PTPRE: variants seen among roughly 807,000 people sequenced by gnomAD.
The protein encoded by PTPRE is receptor-type tyrosine-protein phosphatase epsilon.
A neutral mutation model predicts 102.0 loss-of-function variants in PTPRE; 51 were observed. That is an observed-to-expected ratio of 0.50 (90% CI 0.40 to 0.63). The LOEUF is 0.63. Among genes scored for constraint, PTPRE ranks in the 30% least tolerant of loss-of-function variants. The pLI, the probability that PTPRE is intolerant of heterozygous loss-of-function variation, is 0.00. For missense variants in PTPRE, 752 were observed against 915.1 expected (o/e 0.82, Z 2.30); for synonymous variants, 345 against 348.2 (o/e 0.99, Z 0.10).
At chr10:128,006,948 A>G (rs1854615252) in intron 2 of PTPRE, among the ~76,000 whole-genome samples, 1 of 152,040 alleles carries the variant, frequency 6.6e-6, no homozygotes, top group Non-Finnish European at 1.5e-5. Flanking sequence ...CTCAAGTACA[A>G]CTCCACGGCT....
intron 2 of PTPRE, among the ~76,000 whole-genome samples, chr10:127,989,945 C>T (rs1275740901): frequency 2.6e-5 from 4 of 152,154 alleles, no homozygotes; most frequent in African/African-American, 4.8e-5. Context: ...GAGGGTTTAT[C>T]GGGTTTATCA....
chr10:127,950,394 T>C (rs971008336), intron 1 of PTPRE, among the ~76,000 whole-genome samples: 1 of 152,114 alleles, frequency 6.6e-6, no homozygotes, highest in Non-Finnish European at 1.5e-5. Flanking sequence ...CCTGATCTCC[T>C]TTGGTTTACT....
intron 2 of PTPRE, among the ~76,000 whole-genome samples, chr10:127,984,499 C>A (rs182768230): frequency 6.6e-6 from 1 of 152,290 alleles, no homozygotes; most frequent in Non-Finnish European, 1.5e-5. Context: ...GTATTTGAAG[C>A]CTGGGTCTCC....
rs181389247 is a variant in PTPRE at position 128,077,393 on chromosome 10, C to T, written c.1726-224C>T. On this transcript the variant is annotated intron_variant, in intron 18 of 20. Transcript: ENST00000254667. ...AGGGATCCAGGGGATGTCCTCTGGA[C>T]GGCTCGCTCCCCCTTGCAGAAGGAA... Among the ~76,000 whole-genome samples, 539 of 152,320 alleles carry T rather than the reference C, an allele frequency of 3.5e-3. 2 individuals carry two copies. The highest frequency in any genetic ancestry group is 0.01 in the Middle Eastern group (3 of 294).
At chr10:128,059,325 CTG>C (rs1849294973) in intron 7 of PTPRE, among the ~76,000 whole-genome samples, 1 of 152,216 alleles carries the variant, frequency 6.6e-6, no homozygotes, top group Non-Finnish European at 1.5e-5. Context: ...TGGGCTGTGA[CTG>C]TCTCTCAGAG....
intron 2 of PTPRE, among the ~76,000 whole-genome samples, chr10:127,990,411 C>CAAAAAA (rs60034358): frequency 1.8e-4 from 12 of 65,692 alleles, no homozygotes; most frequent in Admixed American, 3.6e-4. Context: ...GACTCCACCT[C>CAAAAAA]AAAAAAAAAA....
chr10:127,911,819 G>T (rs1845890042), intron 1 of PTPRE, among the ~76,000 whole-genome samples: 1 of 152,242 alleles, frequency 6.6e-6, no homozygotes, highest in South Asian at 2.1e-4. Flanking sequence ...TTAGGTACTG[G>T]CCCTAGACAT....
chr10:127,975,435 A>G (rs1851075774), intron 1 of PTPRE, among the ~76,000 whole-genome samples: 2 of 152,220 alleles, frequency 1.3e-5, no homozygotes, highest in Non-Finnish European at 2.9e-5. Context: ...ATTTAATGCC[A>G]GAGCTCATCC....
intron 2 of PTPRE, among the ~76,000 whole-genome samples, chr10:128,032,986 T>C (rs1032328710): frequency 7.5e-5 from 9 of 119,460 alleles, no homozygotes; most frequent in Non-Finnish European, 1.3e-4. Context: ...AAGTTGATGA[T>C]AATGTTGGTA....
chr10:128,057,971 T>C (rs1180948648), intron 7 of PTPRE, among the ~76,000 whole-genome samples: 3 of 152,262 alleles, frequency 2.0e-5, no homozygotes, highest in African/African-American at 7.2e-5. Flanking sequence ...TTTCACTGCT[T>C]AATTTATTAC....
chr10:128,056,419 G>A (rs961205234), intron 7 of PTPRE, among the ~76,000 whole-genome samples: 4 of 152,298 alleles, frequency 2.6e-5, no homozygotes, highest in South Asian at 2.1e-4. Context: ...TTGGTTGCTC[G>A]TGGGTCTGGC....
At chr10:128,066,327 T>G in intron 11 of PTPRE, 133 bp downstream of exon 11, 1 of 1,420,438 alleles carries the variant, frequency 7.0e-7, no homozygotes, top group African/African-American at 1.4e-5. Flanking sequence ...GCTGAGAGGG[T>G]GCAGTGGCCA....
In PTPRE at chr10:128,017,219, T is replaced by C. The variant is rs564424236; in HGVS notation, c.-7-23656T>C. On this transcript the variant is annotated intron_variant, in intron 2 of 20. Transcript: ENST00000254667. The stretch of plus-strand genomic sequence containing the variant: ...TGAGAGGTGCTGGTCCCTGGAGAGG[T>C]TGGCATGGCTCAGAGGGGAATGGAT... Among the ~76,000 whole-genome samples, 18 of 152,076 alleles carry C rather than the reference T, an allele frequency of 1.2e-4. No individual in the cohort carries two copies. The East Asian group carries it at 3.1e-3, about 26-fold the overall frequency.
intron 2 of PTPRE, among the ~76,000 whole-genome samples, chr10:128,013,762 G>A (rs1845201240): frequency 6.6e-6 from 1 of 152,134 alleles, no homozygotes; most frequent in South Asian, 2.1e-4. Context: ...CACATCCGCT[G>A]GCACCTTCAT....
In PTPRE at chr10:128,008,581, G is replaced by C. The variant is rs1012783750; in HGVS notation, c.-8+26285G>C. 6.6e-6 allele frequency among the ~76,000 whole-genome samples: 1 copy of C among 152,170 alleles called. No homozygotes were observed. The highest frequency in any genetic ancestry group is 1.5e-5 in the Non-Finnish European group (1 of 68,024). On this transcript the variant is annotated intron_variant, in intron 2 of 20. Transcript: ENST00000254667. The surrounding 1 kb of genome is among the most constrained non-coding windows in gnomAD (Gnocchi z 4.0). ...GGGAGACAGCCAGCCTGGGCTAGTGGAGCATCCCGCCTTTGCTTTTGGTAT... is the reference window on the plus strand; with the variant it reads ...GGGAGACAGCCAGCCTGGGCTAGTGCAGCATCCCGCCTTTGCTTTTGGTAT...
Position 128,047,469 on chromosome 10 carries a change from T to C in PTPRE, c.189T>C (p.Leu63=). Residue 63 remains leucine (L), a synonymous_variant, in exon 4 of 21, where the codon CTT becomes CTC. Transcript: ENST00000254667. Reference sequence around the variant, plus strand: ...TGCTGCTCCTCCTCCTCGTGCTCCTTCTCGCCGCCTACTTCTTCAGGTAGG... The same window carrying C: ...TGCTGCTCCTCCTCCTCGTGCTCCTCCTCGCCGCCTACTTCTTCAGGTAGG... ...LPLLLLLLVL[L]LAAYFFRFRK... is the part of the protein sequence containing the mutation. The C allele has an allele frequency of 6.2e-7, 1 of 1,613,388 alleles. No individual in the cohort carries two copies. Among genetic ancestry groups the C allele is most frequent in the Non-Finnish European group, 8.5e-7 (1 of 1,180,024 alleles).
At chr10:127,995,400 G>C (rs1363694944) in intron 2 of PTPRE, among the ~76,000 whole-genome samples, 4 of 152,158 alleles carry the variant, frequency 2.6e-5, no homozygotes, top group African/African-American at 9.7e-5. Flanking sequence ...CGCGTCCCTG[G>C]AGATGGTTAT....
chr10:127,995,662 G>A (rs915611220), intron 2 of PTPRE, among the ~76,000 whole-genome samples: 2 of 152,178 alleles, frequency 1.3e-5, no homozygotes. Flanking sequence ...TGCAACATTT[G>A]ATTAATTCTT....
chr10:128,080,694 C>T (rs899620675), intron 20 of PTPRE, among the ~76,000 whole-genome samples: 1 of 152,212 alleles, frequency 6.6e-6, no homozygotes, highest in African/African-American at 2.4e-5. Context: ...CCTCCATGCT[C>T]CCTGACTGAG....
Sources: gnomAD v4.1 joint callset for allele counts (sites outside exome capture counted in the v4.1 genomes callset) on GRCh38, gnomAD v4.1.1 for gene constraint, Gnocchi (gnomAD v3.1) non-coding constraint, MANE v1.5 for transcripts, NCBI Gene and HGNC (gene_info 2026-07-23, HGNC 2026-07-21) for gene names.